The following OTUD3 variants were observed in gnomAD, a reference collection of about 807,000 sequenced individuals.
OTUD3 encodes the protein OTU domain-containing protein 3.
Under a neutral mutation model 46.2 loss-of-function variants are expected in OTUD3, and 24 were observed. The ratio of observed to expected loss-of-function variants is 0.52; its 90% CI spans 0.38 to 0.73. OTUD3 has a LOEUF of 0.73. Ranked by LOEUF, OTUD3 falls within the 30% of genes least tolerant of loss-of-function variation. The pLI is 0.00. For synonymous variants in OTUD3, 189 were observed against 195.4 expected (o/e 0.97, Z 0.27); for missense variants, 455 against 523.3 (o/e 0.87, Z 1.27).
intron 1 of OTUD3, among the ~76,000 whole-genome samples, chr1:19,885,387 G>A (rs1038748085): frequency 1.3e-5 from 2 of 152,204 alleles, no homozygotes; most frequent in African/African-American, 4.8e-5. Flanking sequence ...CGAATGTGGT[G>A]ATGACAGACT....
chr1:19,902,074 T>A (rs1253229327), intron 4 of OTUD3, among the ~76,000 whole-genome samples: 1 of 152,240 alleles, frequency 6.6e-6, no homozygotes, highest in Non-Finnish European at 1.5e-5. Flanking sequence ...ATTTAACATT[T>A]TGAGGAACTG....
At chr1:19,883,597 G>A (rs895178270) in intron 1 of OTUD3, among the ~76,000 whole-genome samples, 4 of 152,108 alleles carry the variant, frequency 2.6e-5, no homozygotes, top group African/African-American at 4.8e-5. Context: ...ATCCTGCAGA[G>A]GGAAGACTAA....
At chr1:19,906,661 T>C (rs762818055) in intron 7 of OTUD3, 45 bp downstream of exon 7, 4 of 1,484,768 alleles carry the variant, frequency 2.7e-6, no homozygotes, top group Non-Finnish European at 2.7e-6. Context: ...GCAGGTGTAA[T>C]TCTGTGGCAG....
intron 2 of OTUD3, among the ~76,000 whole-genome samples, chr1:19,892,289 G>A (rs761931177): frequency 6.6e-6 from 1 of 152,224 alleles, no homozygotes; most frequent in Non-Finnish European, 1.5e-5. Flanking sequence ...TTGTGTGTCA[G>A]TTGAAGGCTT....
chr1:19,885,982 AAT>A (rs1236126893), intron 1 of OTUD3, among the ~76,000 whole-genome samples: 1 of 152,160 alleles, frequency 6.6e-6, no homozygotes, highest in Non-Finnish European at 1.5e-5. Flanking sequence ...AATATCCTGT[AAT>A]ACAGCCTTTA....
chr1:19,882,848 C>G (rs1215055226), intron 1 of OTUD3, 114 bp downstream of exon 1: 6 of 971,484 alleles, frequency 6.2e-6, no homozygotes, highest in Non-Finnish European at 8.1e-6. Context: ...CCGGGCGCCT[C>G]CCGCGAGCCA....
intron 4 of OTUD3, 49 bp from the exon 5 acceptor site, chr1:19,904,218 A>G: frequency 6.8e-7 from 1 of 1,462,748 alleles, no homozygotes; most frequent in Non-Finnish European, 9.3e-7. Context: ...GATTCTGAAC[A>G]TAGTTTGATT....
chr1:19,892,041 A>G (rs1172813321), intron 2 of OTUD3, among the ~76,000 whole-genome samples: 2 of 152,198 alleles, frequency 1.3e-5, no homozygotes, highest in Non-Finnish European at 2.9e-5. Flanking sequence ...TCCACTTTGA[A>G]CACTGTCAGT....
rs533696692 is a variant in OTUD3, at chr1:19,884,598, A to G, written c.221+1864A>G. Among the ~76,000 whole-genome samples the G allele has an allele frequency of 2.0e-5, 3 of 151,548 alleles. No individual in the cohort carries two copies. In the South Asian group the frequency reaches 6.2e-4, roughly 32 times the overall value. ...GAACTTTATATGGGTTATAGCTATG[A>G]GTATTTACTGTATTAGAAAGTAAAA... On this transcript the variant is annotated intron_variant, in intron 1 of 7. Coordinates refer to ENST00000375120, the MANE Select transcript of OTUD3 (RefSeq NM_015207.2).
At chr1:19,891,171 C>T (rs1435802860) in intron 2 of OTUD3, among the ~76,000 whole-genome samples, 1 of 152,088 alleles carries the variant, frequency 6.6e-6, no homozygotes, top group Admixed American at 6.5e-5. Flanking sequence ...AATTTCTCAC[C>T]CAAACCCCAA....
chr1:19,887,057 T>G (rs2045372502), intron 1 of OTUD3, among the ~76,000 whole-genome samples: 1 of 151,656 alleles, frequency 6.6e-6, no homozygotes, highest in Admixed American at 6.6e-5. Context: ...AAATTATTGA[T>G]CTCTCATATT....
At chr1:19,888,020 G>A (rs2045393434) in intron 1 of OTUD3, among the ~76,000 whole-genome samples, 1 of 152,134 alleles carries the variant, frequency 6.6e-6, no homozygotes, top group South Asian at 2.1e-4. Flanking sequence ...ACTCAAATGC[G>A]AGACCTGCCA....
chr1:19,886,679 A>G (rs1443029115), intron 1 of OTUD3, among the ~76,000 whole-genome samples: 1 of 152,230 alleles, frequency 6.6e-6, no homozygotes, highest in Non-Finnish European at 1.5e-5. Flanking sequence ...TAGAGTCTAG[A>G]TGCTCAACTA....
intron 2 of OTUD3, 46 bp downstream of exon 2, chr1:19,890,579 G>T (rs761190010): frequency 2.6e-6 from 4 of 1,560,110 alleles, no homozygotes; most frequent in Non-Finnish European, 3.5e-6. Context: ...TAATGCATTG[G>T]GTAATTAAGT....
At chr1:19,884,953 C>G (rs1261104919) in intron 1 of OTUD3, among the ~76,000 whole-genome samples, 2 of 152,272 alleles carry the variant, frequency 1.3e-5, no homozygotes, top group African/African-American at 4.8e-5. Context: ...AAGTCCTTCT[C>G]GTTCATTCGG....
chr1:19,899,887 G>A (rs1038894822), intron 4 of OTUD3, among the ~76,000 whole-genome samples: 1 of 151,780 alleles, frequency 6.6e-6, no homozygotes, highest in Non-Finnish European at 1.5e-5. Context: ...TTTGTAAATG[G>A]TATTCATTTT....
chr1:19,892,534 C>A (rs1230568849), intron 2 of OTUD3, among the ~76,000 whole-genome samples: 2 of 152,104 alleles, frequency 1.3e-5, no homozygotes, highest in African/African-American at 4.8e-5. Flanking sequence ...TTATTCTTTT[C>A]TTTTAGACTG....
chr1:19,898,196 C>T (rs942041859), intron 4 of OTUD3, among the ~76,000 whole-genome samples: 8 of 151,886 alleles, frequency 5.3e-5, no homozygotes, highest in Non-Finnish European at 1.0e-4. Flanking sequence ...GATCTGCCCA[C>T]CTTGGCCTCC....
rs547820850 is a variant in OTUD3, at chr1:19,893,346, G to A, written c.371-1022G>A. Among the ~76,000 whole-genome samples, 9 of 152,238 alleles carry A rather than the reference G, an allele frequency of 5.9e-5. No homozygotes were observed. The South Asian group carries it at 8.3e-4, about 14-fold the overall frequency. On this transcript the variant is annotated intron_variant, in intron 2 of 7. Transcript: ENST00000375120. Reference sequence around the variant, plus strand: ...CATGCTAACAGTTACGGTTTGTTACGGGGAAAGGATGCAGATCAATACTAC... The same window carrying A: ...CATGCTAACAGTTACGGTTTGTTACAGGGAAAGGATGCAGATCAATACTAC...
Sources: gnomAD v4.1 joint callset for allele counts (sites outside exome capture counted in the v4.1 genomes callset) on GRCh38, gnomAD v4.1.1 for gene constraint, MANE v1.5 for transcripts, NCBI Gene and HGNC (gene_info 2026-07-23, HGNC 2026-07-21) for gene names.